Variants in SYNE2 observed in about 807,000 individuals in gnomAD.
SYNE2 encodes nesprin-2.
A neutral mutation model predicts 856.3 loss-of-function variants in SYNE2; 431 were observed. The observed-to-expected ratio is 0.50, with a 90% CI of 0.47 to 0.55. SYNE2 has a LOEUF of 0.55. SYNE2 is among the 20% of genes least tolerant of loss of function. The pLI, the probability that SYNE2 is intolerant of heterozygous loss-of-function variation, is 0.00. For missense variants in SYNE2, 8,129 were observed against 8,023.2 expected, an observed-to-expected ratio of 1.01 and a Z score of -0.50; for synonymous variants, 2,923 against 2,872.3, an observed-to-expected ratio of 1.02 and a Z score of -0.56.
chr14:63,826,906 GA>G (rs1344283113), intron 1 of SYNE2, among the ~76,000 whole-genome samples: 1 of 152,108 alleles, frequency 6.6e-6, no homozygotes, highest in Non-Finnish European at 1.5e-5. Flanking sequence ...CCAAGAAAGT[GA>G]AAAGACAACC....
chr14:64,222,119 G>A (rs2098697213), intron 112 of SYNE2, among the ~76,000 whole-genome samples: 1 of 152,110 alleles, frequency 6.6e-6, no homozygotes, highest in Non-Finnish European at 1.5e-5. Flanking sequence ...GTCGTGTCCT[G>A]GTGTATTTGT....
In SYNE2 at chr14:64,143,816, C is replaced by A. The variant is rs569092674; in HGVS notation, c.15351C>A (p.Phe5117Leu). Residue 5117 changes from phenylalanine (F) to leucine (L), a missense_variant, in exon 83 of 116, where the codon TTC becomes TTA. Around this residue, in one of 3 missense-constraint regions of SYNE2, gnomAD observed 5,410 missense variants for 5,284.8 expected, o/e 1.02. Transcript: ENST00000555002. ...ACTATAAACAGTGGATAGTTGACTTCGTTAACCAGTCATTACTTCAGCTAA... is the reference window on the plus strand; with the variant it reads ...ACTATAAACAGTGGATAGTTGACTTAGTTAACCAGTCATTACTTCAGCTAA... ...EMDYKQWIVD[F>L]VNQSLLQLST... is the part of the protein sequence containing the mutation. 1.9e-5 allele frequency: 30 copies of A among 1,614,002 alleles called. No homozygotes were observed. Among genetic ancestry groups the A allele is most frequent in the Non-Finnish European group, 2.5e-5 (30 of 1,180,014 alleles).
chr14:63,807,071 C>G (rs1035406365), intron 1 of SYNE2, among the ~76,000 whole-genome samples: 20 of 152,152 alleles, frequency 1.3e-4, no homozygotes, highest in Non-Finnish European at 2.8e-4. Context: ...TGCCTGTAAT[C>G]CCACCACTTT....
At chr14:64,218,197 C>A in intron 108 of SYNE2, 1 of 557,136 alleles carries the variant, frequency 1.8e-6, no homozygotes, top group Non-Finnish European at 3.3e-6. Context: ...TGGGCCTTAG[C>A]TGAGGCTTTA....
intron 1 of SYNE2, among the ~76,000 whole-genome samples, chr14:63,854,809 G>T (rs928871871): frequency 6.6e-6 from 1 of 152,320 alleles, no homozygotes; most frequent in East Asian, 1.9e-4. Flanking sequence ...AATGTTTAGA[G>T]AACTGAGTCA....
At chr14:63,784,018 T>C (rs1887422069) in intron 1 of SYNE2, among the ~76,000 whole-genome samples, 1 of 152,208 alleles carries the variant, frequency 6.6e-6, no homozygotes, top group African/African-American at 2.4e-5. Context: ...CTATACCTGG[T>C]AACAACTTAA....
intron 2 of SYNE2, among the ~76,000 whole-genome samples, chr14:63,915,987 A>G (rs529978675): frequency 1.3e-4 from 20 of 152,330 alleles, no homozygotes; most frequent in Middle Eastern, 3.4e-3. Flanking sequence ...GTGAACCCCA[A>G]TCATGCACAG....
intron 31 of SYNE2, among the ~76,000 whole-genome samples, chr14:64,009,346 G>A (rs193153552): frequency 5.9e-5 from 9 of 152,008 alleles, no homozygotes; most frequent in African/African-American, 2.2e-4. Context: ...GACCAGCCCG[G>A]CCAACATGAT....
intron 70 of SYNE2, among the ~76,000 whole-genome samples, chr14:64,123,927 AG>A (rs753226316): frequency 2.7e-5 from 4 of 150,142 alleles, no homozygotes; most frequent in Non-Finnish European, 4.4e-5. Flanking sequence ...GGTCTCAGCT[AG>A]GTGCAGTGGC....
At chr14:64,175,328 T>C (rs2098429255) in intron 95 of SYNE2, among the ~76,000 whole-genome samples, 190 bp downstream of exon 95, 1 of 152,224 alleles carries the variant, frequency 6.6e-6, no homozygotes, top group Non-Finnish European at 1.5e-5. Flanking sequence ...GCTCAATGTT[T>C]AGTATTTAAA....
In SYNE2 at chr14:64,007,071, G is replaced by T. The variant is rs1256082115; in HGVS notation, c.4426G>T (p.Val1476Phe). Residue 1476 changes from valine to phenylalanine, a missense_variant, in exon 31 of 116, where the codon GTT becomes TTT. This residue lies in a region of SYNE2 where 2,422 missense variants were observed against 2,357.4 expected (regional missense o/e 1.03). Transcript: ENST00000555002. ...RKKSLIRLDK[V>F]LDEYEEEKRH... ...AAAATCATTAATCAGACTGGATAAG[G>T]TTCTAGATGAATATGAAGAAGAGAA... 1.2e-6 allele frequency: 2 copies of T among 1,613,546 alleles called. No individual in the cohort carries two copies. Among genetic ancestry groups the T allele is most frequent in the South Asian group, 1.1e-5 (1 of 91,044 alleles).
chr14:63,880,594 T>G (rs908718394), intron 1 of SYNE2, among the ~76,000 whole-genome samples: 1 of 152,038 alleles, frequency 6.6e-6, no homozygotes, highest in Non-Finnish European at 1.5e-5. Flanking sequence ...ATTTATATGG[T>G]TACATTCCTA....
chr14:63,815,785 A>G (rs946520085), intron 1 of SYNE2, among the ~76,000 whole-genome samples: 1 of 152,100 alleles, frequency 6.6e-6, no homozygotes, highest in African/African-American at 2.4e-5. Context: ...AAAATTCACT[A>G]TGATACCACC....
intron 1 of SYNE2, among the ~76,000 whole-genome samples, chr14:63,824,871 C>T (rs903467756): frequency 2.0e-5 from 3 of 151,910 alleles, no homozygotes; most frequent in Non-Finnish European, 2.9e-5. Flanking sequence ...CGCAGACTCA[C>T]ACTTGTAAAC....
At chr14:64,181,908 G>A (rs554518201) in intron 96 of SYNE2, among the ~76,000 whole-genome samples, 161 of 152,224 alleles carry the variant, frequency 1.1e-3, no homozygotes, top group African/African-American at 3.5e-3. Flanking sequence ...TTGAGTCCTT[G>A]GAACAGTTTG....
chr14:63,851,661 C>T (rs1033945904), upstream of SYNE2, among the ~76,000 whole-genome samples: 1 of 152,060 alleles, frequency 6.6e-6, no homozygotes, highest in African/African-American at 2.4e-5. Context: ...TAATTTTTCC[C>T]ATTAATATAT....
intron 1 of SYNE2, among the ~76,000 whole-genome samples, chr14:63,824,184 C>T (rs1474415205): frequency 6.6e-6 from 1 of 151,960 alleles, no homozygotes; most frequent in Non-Finnish European, 1.5e-5. Context: ...ACAAAAAATA[C>T]CAAAGTTAGC....
At chr14:64,217,402 G>A (rs1484549855) in intron 108 of SYNE2, among the ~76,000 whole-genome samples, 1 of 152,194 alleles carries the variant, frequency 6.6e-6, no homozygotes, top group East Asian at 1.9e-4. Context: ...GCTCCTGGGA[G>A]GGCAGCCTAG....
intron 73 of SYNE2, among the ~76,000 whole-genome samples, chr14:64,127,569 G>A (rs1224124897): frequency 6.6e-6 from 1 of 152,106 alleles, no homozygotes; most frequent in Non-Finnish European, 1.5e-5. Context: ...TTTCTAGCTA[G>A]AGGGAGCCAT....
Sources: gnomAD v4.1 joint callset for allele counts (sites outside exome capture counted in the v4.1 genomes callset) on GRCh38, gnomAD v4.1.1 for gene constraint, gnomAD v4.1.1 regional missense constraint, MANE v1.5 for transcripts, NCBI Gene and HGNC (gene_info 2026-07-23, HGNC 2026-07-21) for gene names.